The following EFR3A variants were observed in gnomAD, a reference collection of about 807,000 sequenced individuals.
The protein encoded by EFR3A is protein EFR3 homolog A.
Under a neutral mutation model 104.4 loss-of-function variants are expected in EFR3A, and 76 were observed. That is an observed-to-expected ratio of 0.73 (90% confidence interval 0.60 to 0.88). EFR3A has a LOEUF of 0.88. Among genes scored for constraint, EFR3A ranks in the 40% least tolerant of loss-of-function variants. The probability of loss-of-function intolerance (pLI) is 0.00; values close to 1 mark genes in which losing one functional copy is unlikely to be tolerated. For synonymous variants in EFR3A, 330 were observed against 330.0 expected, an observed-to-expected ratio of 1.00 and a Z score of 0.00; for missense variants, 985 against 1,012.5, an observed-to-expected ratio of 0.97 and a Z score of 0.37.
chr8:131,917,896 A>G (rs1040136152), intron 1 of EFR3A, among the ~76,000 whole-genome samples: 6 of 152,174 alleles, frequency 3.9e-5, no homozygotes, highest in African/African-American at 1.4e-4. Context: ...CCATTTAAGA[A>G]TATTGATTAG....
chr8:131,941,339 C>T (rs1247243937), intron 2 of EFR3A, among the ~76,000 whole-genome samples: 1 of 150,150 alleles, frequency 6.7e-6, no homozygotes, highest in African/African-American at 2.4e-5. Flanking sequence ...TGAATAGGAA[C>T]AAAAAAAAAG....
At position 131,985,066 on chromosome 8, in the gene EFR3A, GTAT is replaced by G. The variant is rs1356323009; in HGVS notation, c.1869+8_1869+10del. The G allele has an allele frequency of 5.6e-6, 9 of 1,611,276 alleles. No homozygotes were observed. The highest frequency in any genetic ancestry group is 7.6e-6 in the Non-Finnish European group (9 of 1,178,346). On this transcript the variant is annotated splice_region_variant and intron_variant, in intron 16 of 22. Transcript: ENST00000254624. Reference sequence around the variant, plus strand: ...TTTGCCAGCATGTTAGCAAGGTAATGTATTTAGAAAAGTCCTTAAACTTGAATT... The same window carrying G: ...TTTGCCAGCATGTTAGCAAGGTAATGTTAGAAAAGTCCTTAAACTTGAATT...
intron 8 of EFR3A, among the ~76,000 whole-genome samples, chr8:131,967,809 CTT>C (rs982397969): frequency 4.6e-5 from 7 of 151,720 alleles, no homozygotes; most frequent in Non-Finnish European, 1.0e-4. Context: ...TGTTTTGACT[CTT>C]TAGCATTGTT....
In EFR3A at chr8:131,935,063, A is replaced by G. The variant is rs558261217; in HGVS notation, c.11-5436A>G. Reference sequence around the variant, plus strand: ...GTTAATTTTAAAAATCTTCTAATAGAAAGTCTGTCTCTTTTCACCTTGATT... The same window carrying G: ...GTTAATTTTAAAAATCTTCTAATAGGAAGTCTGTCTCTTTTCACCTTGATT... On this transcript the variant is annotated intron_variant, in intron 1 of 22. Transcript: ENST00000254624. Among the ~76,000 whole-genome samples the G allele has an allele frequency of 1.8e-3, 278 of 152,258 alleles. 2 individuals are homozygous for G. The highest frequency in any genetic ancestry group is 6.5e-3 in the African/African-American group (270 of 41,550).
chr8:131,993,550 C>G (rs1335346332), intron 18 of EFR3A, among the ~76,000 whole-genome samples: 2 of 152,156 alleles, frequency 1.3e-5, no homozygotes, highest in Non-Finnish European at 2.9e-5. Flanking sequence ...ATTCTTCATT[C>G]TTTGCCCCTT....
At chr8:131,937,925 G>T (rs1292482246) in intron 1 of EFR3A, among the ~76,000 whole-genome samples, 2 of 151,932 alleles carry the variant, frequency 1.3e-5, no homozygotes, top group Non-Finnish European at 2.9e-5. Context: ...AGGAAAGGGG[G>T]TGTAAGTAGG....
chr8:131,953,221 C>T (rs1184609093), intron 5 of EFR3A, among the ~76,000 whole-genome samples: 4 of 152,048 alleles, frequency 2.6e-5, no homozygotes, highest in Admixed American at 6.6e-5. Flanking sequence ...TATATTGATA[C>T]ATTTTAAGTC....
intron 1 of EFR3A, among the ~76,000 whole-genome samples, chr8:131,933,120 T>C (rs898222619): frequency 2.0e-5 from 3 of 152,190 alleles, no homozygotes; most frequent in African/African-American, 4.8e-5. Flanking sequence ...ACTACTGATA[T>C]TGTAGAAGAC....
intron 1 of EFR3A, among the ~76,000 whole-genome samples, chr8:131,911,369 A>T (rs931312456): frequency 6.6e-6 from 1 of 152,152 alleles, no homozygotes; most frequent in Non-Finnish European, 1.5e-5. Flanking sequence ...ATGGATATTC[A>T]GTAAGGCTTT....
rs1233112767 is a variant in EFR3A, at chr8:131,976,191, C to G, written c.1274+50C>G. On this transcript the variant is annotated intron_variant, in intron 11 of 22. Transcript: ENST00000254624. ...AACTTAATCTTGAGTTACATTTTAT[C>G]CTAACGAAATCTAGAAAATGTTAAC... is the stretch of plus-strand genomic sequence containing the variant. The G allele has an allele frequency of 5.9e-6, 7 of 1,176,812 alleles. No homozygotes were observed. The Admixed American group carries it at 1.2e-4, about 21-fold the overall frequency. The allele number at this position is 1,176,812 out of a possible 1,614,324, so 72.9% of individuals were successfully genotyped here. A position where few individuals can be genotyped will look rare whatever the true frequency, so the allele number is the denominator to read the frequency against.
intron 1 of EFR3A, among the ~76,000 whole-genome samples, chr8:131,931,582 C>G (rs1038465774): frequency 6.6e-6 from 1 of 152,056 alleles, no homozygotes; most frequent in African/African-American, 2.4e-5. Context: ...TGCTTAATAT[C>G]AGGAACCAGT....
intron 1 of EFR3A, among the ~76,000 whole-genome samples, chr8:131,936,052 TTC>T (rs950598446): frequency 2.6e-5 from 4 of 152,076 alleles, no homozygotes; most frequent in Non-Finnish European, 4.4e-5. Context: ...CACCTTGAGT[TTC>T]TCTATGCAGC....
intron 1 of EFR3A, among the ~76,000 whole-genome samples, chr8:131,910,110 G>A (rs1405549862): frequency 6.6e-6 from 1 of 152,182 alleles, no homozygotes; most frequent in Non-Finnish European, 1.5e-5. Flanking sequence ...TTCCATCTCA[G>A]GATTTCTAGA....
intron 10 of EFR3A, 75 bp downstream of exon 10, chr8:131,970,718 AT>A: frequency 7.5e-7 from 1 of 1,329,550 alleles, no homozygotes; most frequent in South Asian, 1.5e-5. Flanking sequence ...GTCCTGGACT[AT>A]TATAGTACAT....
intron 5 of EFR3A, 123 bp downstream of exon 5, chr8:131,950,213 G>C: frequency 1.9e-6 from 2 of 1,052,086 alleles, no homozygotes; most frequent in Admixed American, 5.8e-5. Context: ...TTCCATTGCT[G>C]TTAGAAGCTA....
rs772925443 is a variant in EFR3A at position 131,946,649 on chromosome 8, C to G, written c.366+16C>G. 10 of 1,556,250 alleles carry G rather than the reference C, an allele frequency of 6.4e-6. No individual in the cohort carries two copies. The highest frequency in any genetic ancestry group is 1.4e-5 in the African/African-American group (1 of 72,618). ...AACAAATTCTGTGAGTAAAACTATT[C>G]TGTTACTAAATGTATGCTTAATTAG... is the stretch of plus-strand genomic sequence containing the variant. On this transcript the variant is annotated intron_variant, in intron 4 of 22. Coordinates refer to ENST00000254624, the MANE Select transcript of EFR3A (RefSeq NM_015137.6).
chr8:131,994,542 G>T (rs180841211), intron 18 of EFR3A, among the ~76,000 whole-genome samples: 1 of 152,240 alleles, frequency 6.6e-6, no homozygotes, highest in Non-Finnish European at 1.5e-5. Flanking sequence ...GGCTGCATTT[G>T]TTTAACAATT....
At chr8:131,973,714 T>C (rs185347576) in intron 10 of EFR3A, among the ~76,000 whole-genome samples, 4 of 152,324 alleles carry the variant, frequency 2.6e-5, no homozygotes, top group East Asian at 1.9e-4. Flanking sequence ...CTTTAAGTTA[T>C]CAGGCTGTTG....
At chr8:131,983,557 A>C (rs1820722347) in intron 14 of EFR3A, among the ~76,000 whole-genome samples, 1 of 151,968 alleles carries the variant, frequency 6.6e-6, no homozygotes, top group Non-Finnish European at 1.5e-5. Context: ...AGATCAGTCT[A>C]GTTTAGGGGA....
Sources: gnomAD v4.1 joint callset for allele counts (sites outside exome capture counted in the v4.1 genomes callset) on GRCh38, gnomAD v4.1.1 for gene constraint, MANE v1.5 for transcripts, NCBI Gene and HGNC (gene_info 2026-07-23, HGNC 2026-07-21) for gene names.